Variants in KCNN3 observed in about 807,000 individuals in gnomAD.
KCNN3 encodes potassium calcium-activated channel subfamily N member 3.
A neutral mutation model predicts 62.9 loss-of-function variants in KCNN3; 16 were observed. That is an observed-to-expected ratio of 0.25 (90% CI 0.17 to 0.39). KCNN3 has a LOEUF of 0.39. Among genes scored for constraint, KCNN3 ranks in the 10% least tolerant of loss-of-function variants. The pLI is 1.00. For synonymous variants in KCNN3, 370 were observed against 389.2 expected, an observed-to-expected ratio of 0.95 and a Z score of 0.58; for missense variants, 599 against 949.4, an observed-to-expected ratio of 0.63 and a Z score of 4.85.
intron 2 of KCNN3, among the ~76,000 whole-genome samples, chr1:154,811,576 C>G (rs1466011281): frequency 6.6e-6 from 1 of 152,148 alleles, no homozygotes; most frequent in Non-Finnish European, 1.5e-5. Context: ...ATGGGAGATG[C>G]CTTTGGAGGA....
At position 154,869,842 on chromosome 1, in the gene KCNN3, CTGCTGCTGCTGT is replaced by C. The variant is rs1191457063; in HGVS notation, c.111_122del (p.Gln38_Gln41del). ...CTGCTGGTGGCGCTGGCGGTGGTGG[CTGCTGCTGCTGT>C]TGCTGCTGCTGCTGCTGCTGCTGCT... On this transcript the variant is annotated inframe_deletion, in exon 1 of 8. Coordinates refer to ENST00000271915, the MANE Select transcript of KCNN3 (RefSeq NM_002249.6). This position sits in a 1 kb window ranked among gnomAD's most constrained non-coding sequence, Gnocchi z 6.1. 5.1e-6 allele frequency: 8 copies of C among 1,572,764 alleles called. No homozygotes were observed. The highest frequency in any genetic ancestry group is 1.2e-5 in the South Asian group (1 of 86,604).
At chr1:154,794,036 A>G (rs961898245) in intron 2 of KCNN3, among the ~76,000 whole-genome samples, 4 of 152,222 alleles carry the variant, frequency 2.6e-5, no homozygotes, top group Non-Finnish European at 5.9e-5. Flanking sequence ...TAGAATGTAG[A>G]CAAATCCTCT....
intron 4 of KCNN3, among the ~76,000 whole-genome samples, chr1:154,729,407 T>C (rs1447622669): frequency 2.6e-5 from 4 of 151,694 alleles, no homozygotes; most frequent in African/African-American, 9.7e-5. Context: ...GAGCACCGAG[T>C]GCATGGAGAG....
At chr1:154,844,462 T>C (rs1218569) in intron 1 of KCNN3, among the ~76,000 whole-genome samples, 149,151 of 152,300 alleles carry the variant, frequency 0.98, 73,113 homozygotes, top group East Asian at 1. Context: ...GTGCCGGGCA[T>C]CGCGCCGGTC....
At chr1:154,840,209 G>T (rs1183481468) in intron 1 of KCNN3, among the ~76,000 whole-genome samples, 1 of 152,168 alleles carries the variant, frequency 6.6e-6, no homozygotes, top group African/African-American at 2.4e-5. Context: ...TATTAAAAGT[G>T]TCTATTCTAA....
At chr1:154,760,804 G>C (rs1647969863) in intron 3 of KCNN3, among the ~76,000 whole-genome samples, 1 of 152,174 alleles carries the variant, frequency 6.6e-6, no homozygotes, top group Admixed American at 6.5e-5. Context: ...GCCGGCTCGG[G>C]CGCTCCCATA....
chr1:154,833,787 A>T (rs1468299948), intron 1 of KCNN3, among the ~76,000 whole-genome samples: 1 of 152,146 alleles, frequency 6.6e-6, no homozygotes, highest in Non-Finnish European at 1.5e-5. Flanking sequence ...CAGCTACTCA[A>T]TTCAGGTTTG....
intron 3 of KCNN3, among the ~76,000 whole-genome samples, chr1:154,746,933 C>T (rs915019471): frequency 3.3e-5 from 5 of 152,208 alleles, no homozygotes; most frequent in Non-Finnish European, 7.3e-5. Flanking sequence ...GTCCCCCCAA[C>T]GTGGGACATC....
intron 6 of KCNN3, 21 bp from the exon 7 acceptor site, chr1:154,713,554 A>G (rs1700122020): frequency 1.3e-5 from 21 of 1,605,398 alleles, no homozygotes; most frequent in Non-Finnish European, 1.7e-5. Context: ...GAATGGTAAC[A>G]GGCAAGCCCT....
intron 1 of KCNN3, among the ~76,000 whole-genome samples, chr1:154,849,868 G>T (rs1652234713): frequency 6.6e-6 from 1 of 152,126 alleles, no homozygotes; most frequent in African/African-American, 2.4e-5. Flanking sequence ...CACATTAAAG[G>T]ACTATAATAT....
chr1:154,788,694 C>G (rs1186224788), intron 2 of KCNN3, among the ~76,000 whole-genome samples: 1 of 152,320 alleles, frequency 6.6e-6, no homozygotes, highest in East Asian at 1.9e-4. Context: ...AGCATCCACT[C>G]GCATCACCCC....
At chr1:154,768,524 C>T (rs541766615) in intron 3 of KCNN3, among the ~76,000 whole-genome samples, 1 of 152,312 alleles carries the variant, frequency 6.6e-6, no homozygotes, top group African/African-American at 2.4e-5. Context: ...GCAGTGGTAA[C>T]AGAGGCCTTA....
chr1:154,823,700 T>G (rs1189058070), intron 1 of KCNN3, among the ~76,000 whole-genome samples: 2 of 152,152 alleles, frequency 1.3e-5, no homozygotes, highest in Non-Finnish European at 1.5e-5. Context: ...TATGATCAAT[T>G]GCCAGAGTGA....
At chr1:154,835,063 G>C (rs1034037113) in intron 1 of KCNN3, among the ~76,000 whole-genome samples, 1 of 152,160 alleles carries the variant, frequency 6.6e-6, no homozygotes, top group African/African-American at 2.4e-5. Flanking sequence ...GAGCTGGACC[G>C]TTTGACACCA....
intron 2 of KCNN3, among the ~76,000 whole-genome samples, chr1:154,796,831 C>A (rs1413979353): frequency 2.0e-5 from 3 of 152,192 alleles, no homozygotes; most frequent in African/African-American, 4.8e-5. Flanking sequence ...TAAGACACAT[C>A]TTTTTTTGAT....
At chr1:154,839,837 G>A (rs1362638899) in intron 1 of KCNN3, among the ~76,000 whole-genome samples, 6 of 152,188 alleles carry the variant, frequency 3.9e-5, no homozygotes, top group South Asian at 2.1e-4. Flanking sequence ...CAAGGTGCCA[G>A]GAGCCACATA....
intron 1 of KCNN3, among the ~76,000 whole-genome samples, chr1:154,844,439 G>A (rs1380926774): frequency 6.6e-6 from 1 of 152,160 alleles, no homozygotes; most frequent in African/African-American, 2.4e-5. Flanking sequence ...GACACTTGGT[G>A]TCAAAGGCCT....
Position 154,766,416 on chromosome 1 carries a change from T to TTTTATATA in KCNN3, c.1448+5558_1448+5559insTATATAAA, listed in dbSNP as rs1553231996. ...CCATTTATTAAATACTAGCCAGGCT[T>TTTTATATA]TATATATATATATATATATATATAT... On this transcript the variant is annotated intron_variant, in intron 3 of 7. Transcript: ENST00000271915. Among the ~76,000 whole-genome samples, 81 of 71,760 alleles carry TTTTATATA rather than the reference T, an allele frequency of 1.1e-3. 3 individuals are homozygous for TTTTATATA. The highest frequency in any genetic ancestry group is 1.7e-3 in the Non-Finnish European group (60 of 35,890). The allele number at this position is 71,760 out of a possible 152,430, so 47.1% of individuals were successfully genotyped here.
At chr1:154,736,860 C>A (rs1000766075) in intron 3 of KCNN3, among the ~76,000 whole-genome samples, 1 of 152,108 alleles carries the variant, frequency 6.6e-6, no homozygotes, top group African/African-American at 2.4e-5. Context: ...AACTCCTGTG[C>A]GTGCTAACTG....
Sources: allele counts gnomAD v4.1 joint callset (sites outside exome capture counted in the v4.1 genomes callset), GRCh38; gene constraint gnomAD v4.1.1; non-coding constraint Gnocchi (gnomAD v3.1); transcripts MANE v1.5; gene names NCBI Gene and HGNC (gene_info 2026-07-23, HGNC 2026-07-21).